TMTC2: variants seen among roughly 807,000 people sequenced by gnomAD.
TMTC2 encodes protein O-mannosyl-transferase TMTC2.
In TMTC2, 43 loss-of-function variants were observed where a neutral mutation model predicts 82.4. The observed-to-expected ratio is 0.52, with a 90% CI of 0.41 to 0.67. The LOEUF (loss-of-function observed/expected upper bound fraction) is 0.67. Ranked by LOEUF, TMTC2 falls within the 30% of genes least tolerant of loss-of-function variation. TMTC2 has a pLI of 0.00. For synonymous variants in TMTC2, 408 were observed against 381.9 expected, an observed-to-expected ratio of 1.07 and a Z score of -0.80; for missense variants, 919 against 1,012.4, an observed-to-expected ratio of 0.91 and a Z score of 1.25.
chr12:83,120,572 A>G (rs1884916230), intron 11 of TMTC2, among the ~76,000 whole-genome samples: 1 of 152,170 alleles, frequency 6.6e-6, no homozygotes, highest in African/African-American at 2.4e-5. Flanking sequence ...CATTTGTCTC[A>G]CAACTCTTAA....
At chr12:82,858,708 C>T (rs1218585039) in intron 2 of TMTC2, among the ~76,000 whole-genome samples, 1 of 151,448 alleles carries the variant, frequency 6.6e-6, no homozygotes, top group Non-Finnish European at 1.5e-5. Context: ...CTGCTGGAAA[C>T]CTAACCTTTT....
chr12:82,719,313 C>CT (rs1430857206), intron 1 of TMTC2, among the ~76,000 whole-genome samples: 1 of 151,766 alleles, frequency 6.6e-6, no homozygotes, highest in Non-Finnish European at 1.5e-5. Flanking sequence ...AGGCTAGTCT[C>CT]TAACTCCTGA....
At chr12:82,756,233 TAAA>T (rs758977045) in intron 1 of TMTC2, among the ~76,000 whole-genome samples, 1 of 152,326 alleles carries the variant, frequency 6.6e-6, no homozygotes, top group East Asian at 1.9e-4. Context: ...AAAATTATTT[TAAA>T]AAATCCTTGT....
intron 8 of TMTC2, among the ~76,000 whole-genome samples, chr12:82,996,983 T>A (rs1452886441): frequency 6.6e-6 from 1 of 152,034 alleles, no homozygotes; most frequent in Admixed American, 6.6e-5. Context: ...TCAGCAGAAG[T>A]AAAGGATTAA....
intron 1 of TMTC2, among the ~76,000 whole-genome samples, chr12:82,851,834 G>A (rs763828611): frequency 7.3e-5 from 11 of 151,590 alleles, no homozygotes; most frequent in South Asian, 2.1e-4. Context: ...GAATCTAAGC[G>A]TCATTCCTGC....
intron 1 of TMTC2, among the ~76,000 whole-genome samples, chr12:82,700,337 T>C (rs1873016946): frequency 6.6e-6 from 1 of 152,234 alleles, no homozygotes; most frequent in African/African-American, 2.4e-5. Context: ...AAATTATTCA[T>C]TAATGGTATT....
At chr12:82,979,322 A>G (rs931376521) in intron 7 of TMTC2, among the ~76,000 whole-genome samples, 1 of 151,208 alleles carries the variant, frequency 6.6e-6, no homozygotes, top group Admixed American at 6.6e-5. Flanking sequence ...CTTGCTTTTT[A>G]TTTTTTGTAC....
chr12:83,022,738 T>C (rs1880992596), intron 8 of TMTC2, among the ~76,000 whole-genome samples: 1 of 151,960 alleles, frequency 6.6e-6, no homozygotes, highest in South Asian at 2.1e-4. Flanking sequence ...GACTAATCTT[T>C]TTATTCACCT....
intron 1 of TMTC2, among the ~76,000 whole-genome samples, chr12:82,701,520 G>A (rs1873078810): frequency 6.6e-6 from 1 of 151,338 alleles, no homozygotes; most frequent in Non-Finnish European, 1.5e-5. Context: ...GGGAGGCCGA[G>A]GCGGGCGGAT....
At chr12:82,947,026 G>A (rs1377289309) in intron 4 of TMTC2, among the ~76,000 whole-genome samples, 2 of 151,998 alleles carry the variant, frequency 1.3e-5, no homozygotes, top group Non-Finnish European at 2.9e-5. Context: ...ACAGACGTGA[G>A]CCACCGCACC....
chr12:83,080,184 T>A (rs1883415172), intron 11 of TMTC2, among the ~76,000 whole-genome samples: 1 of 152,190 alleles, frequency 6.6e-6, no homozygotes, highest in Non-Finnish European at 1.5e-5. Context: ...TAGTACCACA[T>A]CATTACTTTA....
chr12:82,802,245 G>T (rs968817063), intron 1 of TMTC2, among the ~76,000 whole-genome samples: 1 of 152,172 alleles, frequency 6.6e-6, no homozygotes, highest in African/African-American at 2.4e-5. Context: ...TGCTGGGGGC[G>T]GCAGGGCCCG....
chr12:82,811,910 G>A (rs1868416865), intron 1 of TMTC2, among the ~76,000 whole-genome samples: 2 of 147,578 alleles, frequency 1.4e-5, no homozygotes, highest in South Asian at 4.3e-4. Context: ...CTCACCTCCT[G>A]GGTTCAAGCA....
At chr12:82,927,725 C>A (rs1875806019) in intron 3 of TMTC2, among the ~76,000 whole-genome samples, 2 of 152,200 alleles carry the variant, frequency 1.3e-5, no homozygotes, top group African/African-American at 4.8e-5. Context: ...AACCATCACC[C>A]TTACCAGTCA....
intron 8 of TMTC2, among the ~76,000 whole-genome samples, chr12:83,015,030 A>T (rs1286730489): frequency 6.6e-6 from 1 of 152,208 alleles, no homozygotes; most frequent in East Asian, 1.9e-4. Context: ...TCACGAGATA[A>T]TCAAGCTCAT....
chr12:83,063,932 C>G (rs1350258298), intron 11 of TMTC2, among the ~76,000 whole-genome samples: 1 of 151,704 alleles, frequency 6.6e-6, no homozygotes, highest in African/African-American at 2.4e-5. Context: ...TTTGTAAATG[C>G]CCTAGTTGGG....
chr12:82,920,960 A>G (rs1468527646), intron 3 of TMTC2, among the ~76,000 whole-genome samples: 1 of 152,208 alleles, frequency 6.6e-6, no homozygotes, highest in Non-Finnish European at 1.5e-5. Flanking sequence ...AAAATATGAC[A>G]TATAAAATTA....
chr12:82,960,498 A>G (rs1156251262), intron 4 of TMTC2, among the ~76,000 whole-genome samples: 2 of 152,088 alleles, frequency 1.3e-5, no homozygotes, highest in Non-Finnish European at 2.9e-5. Context: ...GCTGGAGGCC[A>G]TTATCCTAAG....
At chr12:82,976,084 G>GTGC (rs1878658488) in intron 7 of TMTC2, among the ~76,000 whole-genome samples, 1 of 151,964 alleles carries the variant, frequency 6.6e-6, no homozygotes, top group South Asian at 2.1e-4. Context: ...ACACTCACAC[G>GTGC]TGCACATGCA....
Sources: allele counts gnomAD v4.1 joint callset (sites outside exome capture counted in the v4.1 genomes callset), GRCh38; gene constraint gnomAD v4.1.1; transcripts MANE v1.5; gene names NCBI Gene and HGNC (gene_info 2026-07-23, HGNC 2026-07-21).